The following STAT5B variants were observed in gnomAD, a reference collection of about 807,000 sequenced individuals.
The protein encoded by STAT5B is transcription factor STAT5B.
A neutral mutation model predicts 107.8 loss-of-function variants in STAT5B; 21 were observed. That is an observed-to-expected ratio of 0.19 (90% confidence interval 0.14 to 0.28). The LOEUF (loss-of-function observed/expected upper bound fraction) is 0.28, where lower values mean the gene tolerates loss of function less well. STAT5B is among the 10% of genes least tolerant of loss of function. The pLI, the probability that STAT5B is intolerant of heterozygous loss-of-function variation, is 1.00. For synonymous variants in STAT5B, 325 were observed against 401.7 expected, an observed-to-expected ratio of 0.81 and a Z score of 2.28; for missense variants, 565 against 1,008.2, an observed-to-expected ratio of 0.56 and a Z score of 5.95.
intron 1 of STAT5B, among the ~76,000 whole-genome samples, chr17:42,256,861 C>CAAAAAAAAAAA (rs781345676): frequency 6.7e-5 from 3 of 44,812 alleles, no homozygotes; most frequent in African/African-American, 2.8e-4. Context: ...GACTCTGTCT[C>CAAAAAAAAAAA]AAAAAAAAAA....
At chr17:42,233,910 T>C (rs533510864) in intron 1 of STAT5B, 3 of 152,184 alleles carry the variant, frequency 2.0e-5, no homozygotes, top group Non-Finnish European at 4.4e-5. Flanking sequence ...CTCTTTGAGT[T>C]TAACCAGATT....
At chr17:42,254,552 T>G (rs1005602597) in intron 1 of STAT5B, among the ~76,000 whole-genome samples, 14 of 152,250 alleles carry the variant, frequency 9.2e-5, no homozygotes, top group South Asian at 6.2e-4. Context: ...ATATTTCCCC[T>G]TCATTTTGGT....
rs569240802 is a variant in STAT5B, at chr17:42,202,476, C to T, written c.2130-29G>A. ...CAGAAGGAAGAGAACAGAGCTTCAGCTGCCAGGGAGGCCAGGGCAGCTGAC... is the reference window on the plus strand; with the variant it reads ...CAGAAGGAAGAGAACAGAGCTTCAGTTGCCAGGGAGGCCAGGGCAGCTGAC... On this transcript the variant is annotated intron_variant, in intron 17 of 18. Transcript: ENST00000293328. The T allele has an allele frequency of 4.0e-5, 64 of 1,612,252 alleles. No individual in the cohort carries two copies. In the South Asian group the frequency reaches 6.6e-4, roughly 17 times the overall value.
intron 1 of STAT5B, among the ~76,000 whole-genome samples, chr17:42,262,824 GTGTA>G (rs1199571749): frequency 1.5e-4 from 17 of 110,782 alleles, no homozygotes; most frequent in African/African-American, 4.7e-4. Flanking sequence ...ACATATATAT[GTGTA>G]TATATACACA....
In STAT5B at chr17:42,227,516, A is replaced by G. The variant is rs539617018; in HGVS notation, c.285+13T>C. 16 of 1,612,912 alleles carry G rather than the reference A, an allele frequency of 9.9e-6. No individual in the cohort carries two copies. The South Asian group carries it at 1.6e-4, about 17-fold the overall frequency. ...GGAAGGTAATTAAGTGTGACCCCAGAGCCCACACCCACCTGGAGCTGTGTG... is the reference window on the plus strand; with the variant it reads ...GGAAGGTAATTAAGTGTGACCCCAGGGCCCACACCCACCTGGAGCTGTGTG... On this transcript the variant is annotated intron_variant, in intron 3 of 18. Transcript: ENST00000293328.
chr17:42,212,867 T>C (rs967748832), intron 12 of STAT5B, among the ~76,000 whole-genome samples: 3 of 152,238 alleles, frequency 2.0e-5, no homozygotes, highest in Admixed American at 2.0e-4. Flanking sequence ...TCACTCCCTA[T>C]CCCTGTCTCC....
intron 2 of STAT5B, among the ~76,000 whole-genome samples, chr17:42,227,949 A>G (rs1003431667): frequency 5.3e-5 from 8 of 152,156 alleles, no homozygotes; most frequent in Non-Finnish European, 1.2e-4. Flanking sequence ...CTTTCTCTCA[A>G]TGATGTGCTT....
chr17:42,271,023 T>C (rs1438170958), intron 1 of STAT5B: 1 of 152,200 alleles, frequency 6.6e-6, no homozygotes, highest in Non-Finnish European at 1.5e-5. Context: ...TGAACATAAT[T>C]TGAAGGACTT....
intron 13 of STAT5B, among the ~76,000 whole-genome samples, chr17:42,211,018 T>C (rs1237461179): frequency 6.6e-6 from 1 of 151,616 alleles, no homozygotes; most frequent in Non-Finnish European, 1.5e-5. Context: ...CTGGCCAACA[T>C]GGTGAAACCC....
intron 1 of STAT5B, chr17:42,235,384 C>T (rs1248188085): frequency 6.6e-6 from 1 of 151,986 alleles, no homozygotes; most frequent in Non-Finnish European, 1.5e-5. Context: ...ACAATTTGAC[C>T]GATTCTATTG....
At position 42,201,519 on chromosome 17, in the gene STAT5B, A is replaced by AACACGC. The variant is rs1490111441; in HGVS notation, c.*213_*218dup. On this transcript the variant is annotated 3_prime_UTR_variant, in exon 19 of 19. Transcript: ENST00000293328. The stretch of plus-strand genomic sequence containing the variant: ...AGAGGGAGAAACACCATAACGTGCA[A>AACACGC]ACACGCACACACACACACACACACA... 1 of 628,964 alleles carries AACACGC rather than the reference A, an allele frequency of 1.6e-6. No individual in the cohort carries two copies. The highest frequency in any genetic ancestry group is 2.9e-6 in the Non-Finnish European group (1 of 347,758). 39.0% of individuals were successfully genotyped at this position (628,964 alleles called of 1,614,324 possible).
intron 5 of STAT5B, among the ~76,000 whole-genome samples, chr17:42,220,617 C>T (rs1044499829): frequency 7.2e-5 from 11 of 152,058 alleles, no homozygotes; most frequent in Non-Finnish European, 1.5e-4. Context: ...CCAGGGAACA[C>T]GGACAGACAG....
At chr17:42,241,123 G>T (rs906248193) in intron 1 of STAT5B, among the ~76,000 whole-genome samples, 5 of 151,792 alleles carry the variant, frequency 3.3e-5, no homozygotes, top group African/African-American at 1.2e-4. Flanking sequence ...CAGATCACCT[G>T]AGGTTGGGAG....
chr17:42,253,847 T>G (rs1308020085), intron 1 of STAT5B, among the ~76,000 whole-genome samples: 1 of 152,184 alleles, frequency 6.6e-6, no homozygotes, highest in African/African-American at 2.4e-5. Flanking sequence ...GGCCTGGTTT[T>G]GGATAATTTC....
chr17:42,248,300 TATTCTA>T (rs2144350453), intron 1 of STAT5B, among the ~76,000 whole-genome samples: 1 of 150,614 alleles, frequency 6.6e-6, no homozygotes, highest in African/African-American at 2.4e-5. Flanking sequence ...AAAAAAATCT[TATTCTA>T]ATTCTGAGAA....
chr17:42,238,314 C>CT (rs778903836), intron 1 of STAT5B, among the ~76,000 whole-genome samples: 10,187 of 137,780 alleles, frequency 0.074, 972 homozygotes, highest in African/African-American at 0.22. Context: ...AAGAAAAAAA[C>CT]TTTTTTTTTT....
chr17:42,262,026 T>C (rs1415786961), intron 1 of STAT5B, among the ~76,000 whole-genome samples: 3 of 152,174 alleles, frequency 2.0e-5, no homozygotes, highest in African/African-American at 7.2e-5. Flanking sequence ...TTAATTAAAT[T>C]TTACATGAAA....
chr17:42,226,028 A>G (rs1475538533), intron 3 of STAT5B, among the ~76,000 whole-genome samples: 1 of 152,114 alleles, frequency 6.6e-6, no homozygotes, highest in Non-Finnish European at 1.5e-5. Flanking sequence ...TCTGCCTCCC[A>G]GGTTTAAGAG....
rs765276674 is a variant in STAT5B at position 42,207,741 on chromosome 17, A to T, written c.1907-13T>A. The T allele has an allele frequency of 1.9e-6, 3 of 1,614,004 alleles. No individual in the cohort carries two copies. The South Asian group carries it at 3.3e-5, about 18-fold the overall frequency. On this transcript the variant is annotated splice_polypyrimidine_tract_variant and intron_variant, in intron 15 of 18. Transcript: ENST00000293328. ...AACATTCTTTCCTCTAGATCAATAA[A>T]CAGAACAATCACATTCTAAACATGA...
Sources: allele counts gnomAD v4.1 joint callset (sites outside exome capture counted in the v4.1 genomes callset), GRCh38; gene constraint gnomAD v4.1.1; transcripts MANE v1.5; gene names NCBI Gene and HGNC (gene_info 2026-07-23, HGNC 2026-07-21).